The following TUSC3 variants were observed in gnomAD, a reference collection of about 807,000 sequenced individuals.
TUSC3 encodes the protein dolichyl-diphosphooligosaccharide--protein glycosyltransferase subunit TUSC3.
Under a neutral mutation model 44.8 loss-of-function variants are expected in TUSC3, and 45 were observed. That is an observed-to-expected ratio of 1.00 (90% CI 0.79 to 1.29). The LOEUF is 1.29. Among genes scored for constraint, TUSC3 ranks in the 50% most tolerant of loss-of-function variants. The pLI is 0.00. For missense variants in TUSC3, 519 were observed against 437.9 expected (o/e 1.19, Z -1.65); for synonymous variants, 212 against 152.9 (o/e 1.39, Z -2.85).
At chr8:15,660,117 T>A (rs1294131649) in intron 4 of TUSC3, among the ~76,000 whole-genome samples, 1 of 152,062 alleles carries the variant, frequency 6.6e-6, no homozygotes, top group African/African-American at 2.4e-5. Flanking sequence ...TAATTTAACT[T>A]AACAATTCCG....
At chr8:15,470,386 A>G (rs1170106140) in intron 1 of TUSC3, among the ~76,000 whole-genome samples, 1 of 152,142 alleles carries the variant, frequency 6.6e-6, no homozygotes, top group Admixed American at 6.5e-5. Flanking sequence ...TTCCTTATAC[A>G]TTGTCATTAA....
intron 1 of TUSC3, among the ~76,000 whole-genome samples, chr8:15,549,857 A>G (rs1306728872): frequency 6.6e-6 from 1 of 151,674 alleles, no homozygotes; most frequent in African/African-American, 2.4e-5. Flanking sequence ...GACGAGCCGC[A>G]GACAAGAACC....
intron 1 of TUSC3, among the ~76,000 whole-genome samples, chr8:15,550,590 C>G (rs955486084): frequency 2.0e-5 from 3 of 151,624 alleles, no homozygotes; most frequent in African/African-American, 7.3e-5. Context: ...ATCCCCTGTC[C>G]TTTCGCCACT....
At chr8:15,689,859 T>TATAA (rs1808819802) in intron 6 of TUSC3, among the ~76,000 whole-genome samples, 2 of 51,744 alleles carry the variant, frequency 3.9e-5, no homozygotes, top group African/African-American at 1.2e-4. Flanking sequence ...TGTGTGTGTG[T>TATAA]GTGTATAAAT....
intron 6 of TUSC3, among the ~76,000 whole-genome samples, chr8:15,726,697 T>C (rs967699468): frequency 6.6e-6 from 1 of 152,074 alleles, no homozygotes; most frequent in African/African-American, 2.4e-5. Context: ...TCCCAGCTAC[T>C]CTCGAGGCTG....
chr8:15,556,005 T>A (rs1802249283), intron 1 of TUSC3, among the ~76,000 whole-genome samples: 1 of 151,210 alleles, frequency 6.6e-6, no homozygotes, highest in Admixed American at 6.6e-5. Context: ...TTTTTTATTT[T>A]TTATTTTTTT....
the TUSC3 span, among the ~76,000 whole-genome samples, chr8:15,807,672 A>C: frequency 6.6e-6 from 1 of 152,196 alleles, no homozygotes; most frequent in African/African-American, 2.4e-5. Context: ...ATGTTGGACT[A>C]CTAAACACCA....
chr8:15,706,230 A>G (rs13275229), intron 6 of TUSC3, among the ~76,000 whole-genome samples: 82,652 of 151,738 alleles, frequency 0.54, 23,184 homozygotes, highest in Non-Finnish European at 0.62. Context: ...GTATATATTT[A>G]TGTGTTTGCT....
intron 1 of TUSC3, among the ~76,000 whole-genome samples, chr8:15,551,418 A>T (rs1802057297): frequency 1.3e-5 from 2 of 151,818 alleles, no homozygotes; most frequent in South Asian, 4.2e-4. Context: ...ACTTTCTTAT[A>T]AAGAAGCCTA....
intron 1 of TUSC3, among the ~76,000 whole-genome samples, chr8:15,545,837 C>G (rs368368457): frequency 6.6e-6 from 1 of 151,716 alleles, no homozygotes; most frequent in Non-Finnish European, 1.5e-5. Context: ...TGAGTGTGGT[C>G]TGTTATGCCT....
the TUSC3 span, among the ~76,000 whole-genome samples, chr8:15,781,345 G>C: frequency 6.6e-6 from 1 of 152,184 alleles, no homozygotes; most frequent in Non-Finnish European, 1.5e-5. Context: ...TGTACTGAGA[G>C]TATATGGTAT....
At chr8:15,658,881 T>A (rs1442301298) in intron 3 of TUSC3, among the ~76,000 whole-genome samples, 1 of 152,098 alleles carries the variant, frequency 6.6e-6, no homozygotes, top group Non-Finnish European at 1.5e-5. Flanking sequence ...ATAATCAATT[T>A]AACACAGTTG....
chr8:15,488,330 CA>C (rs796502355), intron 2 of TUSC3, among the ~76,000 whole-genome samples: 208 of 141,022 alleles, frequency 1.5e-3, no homozygotes, highest in Middle Eastern at 3.6e-3. Flanking sequence ...CCATCTCTAC[CA>C]AAAAAAAAAA....
intron 6 of TUSC3, among the ~76,000 whole-genome samples, chr8:15,717,392 G>C (rs942427260): frequency 6.6e-6 from 1 of 152,048 alleles, no homozygotes; most frequent in Non-Finnish European, 1.5e-5. Context: ...GTAACGAAGA[G>C]ACTGCTTTTA....
At chr8:15,703,002 C>G (rs1400214341) in intron 6 of TUSC3, among the ~76,000 whole-genome samples, 1 of 152,096 alleles carries the variant, frequency 6.6e-6, no homozygotes, top group African/African-American at 2.4e-5. Flanking sequence ...ACCACACAGT[C>G]GTGCAATGGA....
At chr8:15,851,273 A>T in the TUSC3 span, among the ~76,000 whole-genome samples, 2 of 152,218 alleles carry the variant, frequency 1.3e-5, no homozygotes, top group Non-Finnish European at 2.9e-5. Context: ...CATCTTTTAT[A>T]GGTGCCAGGG....
chr8:15,519,702 T>A (rs930847954), intron 2 of TUSC3, among the ~76,000 whole-genome samples: 1 of 152,158 alleles, frequency 6.6e-6, no homozygotes, highest in Non-Finnish European at 1.5e-5. Context: ...AAAATTGTCT[T>A]CCATGAAACA....
At chr8:15,748,976 T>C (rs977462389) in intron 9 of TUSC3, 1 of 341,376 alleles carries the variant, frequency 2.9e-6, no homozygotes, top group South Asian at 2.3e-5. Flanking sequence ...AACAAATATA[T>C]TGAAAATTCA....
chr8:15,728,823 G>A (rs1810600398), intron 6 of TUSC3, among the ~76,000 whole-genome samples: 1 of 152,086 alleles, frequency 6.6e-6, no homozygotes, highest in Non-Finnish European at 1.5e-5. Context: ...AAGAAGGAAA[G>A]GAACAGCCTT....
Sources: gnomAD v4.1 joint callset for allele counts (sites outside exome capture counted in the v4.1 genomes callset) on GRCh38, gnomAD v4.1.1 for gene constraint, MANE v1.5 for transcripts, NCBI Gene and HGNC (gene_info 2026-07-23, HGNC 2026-07-21) for gene names.